MED30: variants seen among roughly 807,000 people sequenced by gnomAD.
The protein encoded by MED30 is mediator complex subunit 30.
A neutral mutation model predicts 21.7 loss-of-function variants in MED30; 8 were observed. That is an observed-to-expected ratio of 0.37 (90% CI 0.22 to 0.67). The LOEUF is 0.67. Ranked by LOEUF, MED30 falls within the 30% of genes least tolerant of loss-of-function variation. The pLI is 0.58. For synonymous variants in MED30, 79 were observed against 86.7 expected, an observed-to-expected ratio of 0.91 and a Z score of 0.49; for missense variants, 203 against 228.2, an observed-to-expected ratio of 0.89 and a Z score of 0.71.
intron 1 of MED30, among the ~76,000 whole-genome samples, chr8:117,528,407 G>T (rs1258212149): frequency 1.3e-5 from 2 of 151,782 alleles, no homozygotes; most frequent in Admixed American, 1.3e-4. Context: ...AGTATTTCAA[G>T]TCAGAGGGTT....
At chr8:117,527,636 C>CTTTTTTTTTTTTTTTTTTT (rs3040826) in intron 1 of MED30, among the ~76,000 whole-genome samples, 3 of 127,600 alleles carry the variant, frequency 2.4e-5, no homozygotes, top group African/African-American at 5.9e-5. Flanking sequence ...TTTTTTCTTT[C>CTTTTTTTTTTTTTTTTTTT]TTTTTTTTTT....
At chr8:117,538,504 C>T (rs1818919202) in intron 3 of MED30, among the ~76,000 whole-genome samples, 2 of 152,008 alleles carry the variant, frequency 1.3e-5, no homozygotes, top group South Asian at 4.1e-4. Context: ...TTAATGAAAT[C>T]AAAAGTAAGA....
intron 1 of MED30, 55 bp downstream of exon 1, chr8:117,521,108 C>T (rs1818608810): frequency 1.1e-5 from 16 of 1,495,896 alleles, no homozygotes; most frequent in Non-Finnish European, 1.4e-5. Flanking sequence ...GAAAGGGCCT[C>T]TGGTTTCCTC....
chr8:117,539,493 G>A (rs961309672), intron 3 of MED30, among the ~76,000 whole-genome samples: 3 of 152,150 alleles, frequency 2.0e-5, no homozygotes, highest in African/African-American at 4.8e-5. Context: ...TCGTAGTGAA[G>A]GATCTGAATG....
At chr8:117,535,819 A>C (rs1818870695) in intron 3 of MED30, among the ~76,000 whole-genome samples, 1 of 152,202 alleles carries the variant, frequency 6.6e-6, no homozygotes, top group East Asian at 1.9e-4. Context: ...ACGGAATCTT[A>C]GCTGGTAACA....
chr8:117,534,515 A>C (rs1818838577), intron 3 of MED30, among the ~76,000 whole-genome samples: 1 of 142,516 alleles, frequency 7.0e-6, no homozygotes, highest in Non-Finnish European at 1.6e-5. Context: ...AGTTAACGTG[A>C]TATCAAACTG....
Position 117,539,809 on chromosome 8 carries a change from A to G in MED30, c.442-74A>G, listed in dbSNP as rs552430421. 1.4e-3 allele frequency: 1,207 copies of G among 863,174 alleles called. 9 individuals carry two copies. The highest frequency in any genetic ancestry group is 8.3e-3 in the Middle Eastern group (26 of 3,118). The allele number at this position is 863,174 out of a possible 1,614,324, so 53.5% of individuals were successfully genotyped here. ...GTCTGTATCATTATAATCCTAACTT[A>G]TGATATTTTAATCTTCTAACTTCAT... On this transcript the variant is annotated intron_variant, in intron 3 of 3. Transcript: ENST00000297347.
chr8:117,522,635 CTTT>C (rs1294940654), intron 1 of MED30, among the ~76,000 whole-genome samples: 1 of 139,608 alleles, frequency 7.2e-6, no homozygotes. Flanking sequence ...TGTTTTATTG[CTTT>C]TTTTTTTTTT....
At chr8:117,531,945 TC>T (rs1818797580) in intron 3 of MED30, among the ~76,000 whole-genome samples, 1 of 151,958 alleles carries the variant, frequency 6.6e-6, no homozygotes, top group Non-Finnish European at 1.5e-5. Context: ...CTATAAGAGT[TC>T]CGTAAAAGGG....
rs1586859901 is a variant in MED30, at chr8:117,523,781, G to A, written c.177+2728G>A. The A allele has an allele frequency of 6.2e-6, 5 of 808,610 alleles. No individual in the cohort carries two copies. In the East Asian group the frequency reaches 1.1e-4, roughly 18 times the overall value. The allele number at this position is 808,610 out of a possible 1,614,324, so 50.1% of individuals were successfully genotyped here. The stretch of plus-strand genomic sequence containing the variant: ...CCCAGCACTTTGAGAGGCCGAGGTG[G>A]GCGGATCACGAGGTCAGGAATTCGA... On this transcript the variant is annotated intron_variant, in intron 1 of 3. Transcript: ENST00000297347.
intron 3 of MED30, among the ~76,000 whole-genome samples, chr8:117,532,475 C>G (rs1288493127): frequency 6.6e-6 from 1 of 151,886 alleles, no homozygotes; most frequent in Non-Finnish European, 1.5e-5. Context: ...GCCAGAAAAA[C>G]AGCCTTCTTA....
chr8:117,538,728 A>G (rs1818927233), intron 3 of MED30, among the ~76,000 whole-genome samples: 1 of 152,184 alleles, frequency 6.6e-6, no homozygotes, highest in Non-Finnish European at 1.5e-5. Context: ...ACCACATAGG[A>G]TTTGAAGAAA....
intron 1 of MED30, chr8:117,523,460 T>G: frequency 1.3e-6 from 2 of 1,579,670 alleles, no homozygotes; most frequent in South Asian, 2.2e-5. Flanking sequence ...GGCCTGCCAG[T>G]CTCTGGACGG....
chr8:117,523,717 G>A, intron 1 of MED30: 3 of 1,508,152 alleles, frequency 2.0e-6, no homozygotes, highest in Non-Finnish European at 2.7e-6. Flanking sequence ...TCCTTAAAAA[G>A]GAGTTCATAG....
chr8:117,535,189 A>G (rs1252502391), intron 3 of MED30, among the ~76,000 whole-genome samples: 1 of 150,166 alleles, frequency 6.7e-6, no homozygotes, highest in East Asian at 1.9e-4. Context: ...ATTAAAATAT[A>G]TGATTAAAAG....
intron 3 of MED30, among the ~76,000 whole-genome samples, chr8:117,537,240 A>G (rs1818894269): frequency 6.6e-6 from 1 of 152,232 alleles, no homozygotes; most frequent in African/African-American, 2.4e-5. Context: ...TTTTTTAAGT[A>G]TTTAGTCTAC....
Position 117,540,172 on chromosome 8 carries a change from A to C in MED30, c.*194A>C, listed in dbSNP as rs140852251. 194 of 367,926 alleles carry C rather than the reference A, an allele frequency of 5.3e-4. 3 individuals are homozygous for C. In the Middle Eastern group the frequency reaches 8.1e-3, roughly 15 times the overall value. The allele number at this position is 367,926 out of a possible 1,614,324, so 22.8% of individuals were successfully genotyped here. A position where few individuals can be genotyped will look rare whatever the true frequency, so the allele number is the denominator to read the frequency against. ...CTATTTTATGAAAGATTATTGTAAT[A>C]AACTTTGATGGGGTTTGTATTTTGG... On this transcript the variant is annotated 3_prime_UTR_variant, in exon 4 of 4. Transcript: ENST00000297347.
chr8:117,532,850 T>G (rs778925315), intron 3 of MED30, among the ~76,000 whole-genome samples: 7 of 152,008 alleles, frequency 4.6e-5, no homozygotes, highest in Non-Finnish European at 1.0e-4. Flanking sequence ...GAACTTTTAG[T>G]TTAGATCTTG....
chr8:117,533,545 T>G (rs1056957599), intron 3 of MED30, among the ~76,000 whole-genome samples: 1 of 152,232 alleles, frequency 6.6e-6, no homozygotes, highest in Non-Finnish European at 1.5e-5. Flanking sequence ...GTATTGTTTA[T>G]TGCTAAGCCG....
Sources: gnomAD v4.1 joint callset for allele counts (sites outside exome capture counted in the v4.1 genomes callset) on GRCh38, gnomAD v4.1.1 for gene constraint, MANE v1.5 for transcripts, NCBI Gene and HGNC (gene_info 2026-07-23, HGNC 2026-07-21) for gene names.